DOCK7: variants seen among roughly 807,000 people sequenced by gnomAD.
The protein encoded by DOCK7 is dedicator of cytokinesis 7.
In DOCK7, 138 loss-of-function variants were observed where a neutral mutation model predicts 271.0. The observed-to-expected ratio is 0.51, with a 90% CI of 0.44 to 0.59. The LOEUF (loss-of-function observed/expected upper bound fraction) is 0.59, where lower values mean the gene tolerates loss of function less well. DOCK7 is among the 20% of genes least tolerant of loss of function. The probability of loss-of-function intolerance (pLI) is 0.00; values close to 1 mark genes in which losing one functional copy is unlikely to be tolerated. For synonymous variants in DOCK7, 823 were observed against 876.1 expected (o/e 0.94, Z 1.07); for missense variants, 2,066 against 2,592.4 (o/e 0.80, Z 4.41).
At chr1:62,668,019 C>CA (rs1045793596) in intron 1 of DOCK7, among the ~76,000 whole-genome samples, 3 of 150,968 alleles carry the variant, frequency 2.0e-5, no homozygotes, top group East Asian at 2.0e-4. Flanking sequence ...GACTCCGTCT[C>CA]AAAAAAACAA....
In DOCK7 at chr1:62,479,150, A is replaced by C. The variant is rs1646046662; in HGVS notation, c.5509-1325T>G. 2 of 152,160 alleles carry C rather than the reference A, an allele frequency of 1.3e-5. 1 individual carries two copies. The highest frequency in any genetic ancestry group is 4.1e-4 in the South Asian group (2 of 4,832). 9.4% of individuals were successfully genotyped at this position (152,160 alleles called of 1,614,324 possible). On this transcript the variant is annotated intron_variant, in intron 43 of 49. Coordinates refer to ENST00000635253, the MANE Select transcript of DOCK7 (RefSeq NM_001367561.1). ...ATACCTCTGAATTCTCTTTAAGCCT[A>C]ATCTGCTTTATATTTATTTTTCCTA...
At chr1:62,613,813 C>T (rs1652103633) in intron 14 of DOCK7, among the ~76,000 whole-genome samples, 1 of 152,024 alleles carries the variant, frequency 6.6e-6, no homozygotes, top group African/African-American at 2.4e-5. Flanking sequence ...AAACTAAATA[C>T]AATATGGAAA....
intron 9 of DOCK7, 145 bp from the exon 10 acceptor site, chr1:62,633,723 A>C (rs1446158590): frequency 1.7e-6 from 1 of 602,970 alleles, no homozygotes; most frequent in African/African-American, 1.9e-5. Context: ...CAAACATTAG[A>C]CAAAATTCAG....
intron 43 of DOCK7, chr1:62,485,899 A>G (rs1646277492): frequency 6.3e-6 from 1 of 158,234 alleles, no homozygotes; most frequent in African/African-American, 2.4e-5. Context: ...ACAAGTATAT[A>G]ACAAGAAAAT....
chr1:62,565,364 G>A (rs999982620), intron 18 of DOCK7, among the ~76,000 whole-genome samples: 19 of 152,202 alleles, frequency 1.2e-4, no homozygotes, highest in African/African-American at 4.1e-4. Context: ...TATCCACCAC[G>A]ATCAAGTCAG....
intron 43 of DOCK7, chr1:62,482,842 T>C (rs1007131293): frequency 2.0e-5 from 3 of 152,188 alleles, no homozygotes; most frequent in African/African-American, 7.2e-5. Flanking sequence ...ATATCCTTTA[T>C]ACTTCAGCAT....
At chr1:62,586,701 A>G in intron 14 of DOCK7, 77 bp from the exon 15 acceptor site, 1 of 816,538 alleles carries the variant, frequency 1.2e-6, no homozygotes, top group Non-Finnish European at 1.9e-6. Flanking sequence ...ATACCACAAA[A>G]TAAGTGACCA....
intron 31 of DOCK7, among the ~76,000 whole-genome samples, chr1:62,525,797 A>G (rs974702856): frequency 6.6e-6 from 1 of 152,254 alleles, no homozygotes; most frequent in Non-Finnish European, 1.5e-5. Flanking sequence ...GAATTCATTA[A>G]AAACTTTCAC....
chr1:62,495,958 C>A, intron 38 of DOCK7: 1 of 373,488 alleles, frequency 2.7e-6, no homozygotes. Context: ...ATGGGAAATA[C>A]AAGAATACAA....
Position 62,566,171 on chromosome 1 carries a change from T to C in DOCK7, c.2113-4468A>G, listed in dbSNP as rs192305509. Among the ~76,000 whole-genome samples the C allele has an allele frequency of 9.5e-4, 144 of 152,198 alleles. 2 individuals are homozygous for C. The highest frequency in any genetic ancestry group is 3.1e-3 in the East Asian group (16 of 5,172). On this transcript the variant is annotated intron_variant, in intron 18 of 49. Coordinates refer to ENST00000635253, the MANE Select transcript of DOCK7 (RefSeq NM_001367561.1). ...CAATGCCATCCCCATCAAGCTACCA[T>C]TGACTTTCTTCAGAGAACTGGAAAA...
At chr1:62,646,577 G>A (rs1656692996) in intron 7 of DOCK7, among the ~76,000 whole-genome samples, 1 of 152,190 alleles carries the variant, frequency 6.6e-6, no homozygotes, top group Non-Finnish European at 1.5e-5. Flanking sequence ...TGCACACACA[G>A]AAGAAAAGTC....
chr1:62,496,058 A>G (rs1486598053), intron 38 of DOCK7, among the ~76,000 whole-genome samples: 1 of 152,180 alleles, frequency 6.6e-6, no homozygotes, highest in Admixed American at 6.5e-5. Flanking sequence ...TTGATTAATA[A>G]GTAGGAACGT....
intron 22 of DOCK7, among the ~76,000 whole-genome samples, chr1:62,552,087 T>C (rs1480345870): frequency 1.3e-5 from 2 of 152,054 alleles, no homozygotes; most frequent in Non-Finnish European, 2.9e-5. Context: ...TGAAGACCTA[T>C]GCAGTATATA....
intron 18 of DOCK7, among the ~76,000 whole-genome samples, chr1:62,563,595 T>C (rs1483196054): frequency 2.6e-5 from 4 of 151,992 alleles, no homozygotes; most frequent in Admixed American, 6.6e-5. Context: ...TTATCATGTA[T>C]AGAAAATAAA....
chr1:62,485,579 A>T (rs960851578), intron 43 of DOCK7: 8 of 985,326 alleles, frequency 8.1e-6, no homozygotes, highest in Non-Finnish European at 9.6e-6. Flanking sequence ...ATTAGCTAGG[A>T]AACATTGCTT....
chr1:62,511,705 C>T (rs1644489336), intron 33 of DOCK7, among the ~76,000 whole-genome samples: 1 of 151,746 alleles, frequency 6.6e-6, no homozygotes, highest in Admixed American at 6.6e-5. Flanking sequence ...CCTTTCTTTC[C>T]TTATCTCTTT....
chr1:62,521,729 A>G (rs1028726132), intron 31 of DOCK7, among the ~76,000 whole-genome samples: 4 of 152,224 alleles, frequency 2.6e-5, no homozygotes, highest in Admixed American at 2.6e-4. Context: ...TAATCCCAGC[A>G]CTTTGGGAGA....
chr1:62,485,249 G>A (rs1646258944), intron 43 of DOCK7: 2 of 985,178 alleles, frequency 2.0e-6, no homozygotes, highest in Non-Finnish European at 2.4e-6. Context: ...AACTACCAGA[G>A]GAGATAACAG....
At chr1:62,655,559 G>A (rs973218300) in intron 2 of DOCK7, among the ~76,000 whole-genome samples, 2 of 151,888 alleles carry the variant, frequency 1.3e-5, no homozygotes, top group Non-Finnish European at 2.9e-5. Flanking sequence ...CAAGTAGCTG[G>A]GATTACAGGC....
Sources: gnomAD v4.1 joint callset for allele counts (sites outside exome capture counted in the v4.1 genomes callset) on GRCh38, gnomAD v4.1.1 for gene constraint, MANE v1.5 for transcripts, NCBI Gene and HGNC (gene_info 2026-07-23, HGNC 2026-07-21) for gene names.